The following MAPK8 variants were observed in gnomAD, a reference collection of about 807,000 sequenced individuals.
MAPK8 encodes JUN N-terminal kinase.
A neutral mutation model predicts 52.9 loss-of-function variants in MAPK8; 13 were observed. The ratio of observed to expected loss-of-function variants is 0.25; its 90% CI spans 0.16 to 0.39. MAPK8 has a LOEUF of 0.39. MAPK8 is among the 10% of genes least tolerant of loss of function. The probability of loss-of-function intolerance (pLI) is 1.00; values close to 1 mark genes in which losing one functional copy is unlikely to be tolerated. For synonymous variants in MAPK8, 191 were observed against 169.8 expected (o/e 1.12, Z -0.97); for missense variants, 300 against 519.2 (o/e 0.58, Z 4.10).
chr10:48,318,127 A>G (rs73293145), intron 1 of MAPK8, among the ~76,000 whole-genome samples: 2,319 of 152,184 alleles, frequency 0.015, 67 homozygotes, highest in African/African-American at 0.053. Flanking sequence ...GCAAGTCTGA[A>G]ATCTGTAGGG....
At chr10:48,407,247 A>G (rs1360870705) in intron 3 of MAPK8, among the ~76,000 whole-genome samples, 1 of 152,234 alleles carries the variant, frequency 6.6e-6, no homozygotes, top group Non-Finnish European at 1.5e-5. Flanking sequence ...TGCAGAAATT[A>G]CGTGTCTAAC....
intron 1 of MAPK8, among the ~76,000 whole-genome samples, chr10:48,397,713 C>T (rs148619630): frequency 0.079 from 12,022 of 152,170 alleles, 613 homozygotes; most frequent in Non-Finnish European, 0.11. Flanking sequence ...GCCTCAGCCT[C>T]CCAAGTAGCT....
intron 1 of MAPK8, among the ~76,000 whole-genome samples, chr10:48,324,956 T>TTTTTCTGTTTTTG: frequency 6.6e-6 from 1 of 151,164 alleles, no homozygotes; most frequent in South Asian, 2.1e-4. Flanking sequence ...GCAAATGGTG[T>TTTTTCTGTTTTTG]TTTTTTGTTT....
chr10:48,407,660 G>C (rs1402155619), intron 3 of MAPK8, among the ~76,000 whole-genome samples: 1 of 152,136 alleles, frequency 6.6e-6, no homozygotes, highest in African/African-American at 2.4e-5. Context: ...ATACCATTCA[G>C]TGGTTTTTAG....
At chr10:48,431,375 T>G (rs2044235783) in intron 11 of MAPK8, 105 bp downstream of exon 11, 1 of 741,202 alleles carries the variant, frequency 1.3e-6, no homozygotes, top group Non-Finnish European at 2.3e-6. Context: ...AAATCATTAT[T>G]ATTCCAGGCT....
At chr10:48,353,544 C>T (rs1846546141) in intron 1 of MAPK8, among the ~76,000 whole-genome samples, 1 of 152,132 alleles carries the variant, frequency 6.6e-6, no homozygotes, top group Non-Finnish European at 1.5e-5. Flanking sequence ...ACAAAATAAA[C>T]CTTGACCTAA....
chr10:48,402,010 C>T (rs753253461), intron 2 of MAPK8, among the ~76,000 whole-genome samples: 3 of 151,974 alleles, frequency 2.0e-5, no homozygotes, highest in Non-Finnish European at 4.4e-5. Context: ...TGCTTAGGAC[C>T]AGAAGTGTCA....
intron 1 of MAPK8, among the ~76,000 whole-genome samples, chr10:48,396,033 C>T (rs1320120339): frequency 6.6e-6 from 1 of 151,926 alleles, no homozygotes; most frequent in Admixed American, 6.6e-5. Flanking sequence ...AAGAGAAGAT[C>T]TTTTTGATCT....
intron 1 of MAPK8, among the ~76,000 whole-genome samples, chr10:48,366,676 C>G (rs1422427437): frequency 6.6e-6 from 1 of 152,064 alleles, no homozygotes; most frequent in Admixed American, 6.6e-5. Context: ...ATTCTTTATT[C>G]TCTTCTATTT....
At chr10:48,398,972 G>A (rs2042023926) in intron 1 of MAPK8, among the ~76,000 whole-genome samples, 1 of 152,122 alleles carries the variant, frequency 6.6e-6, no homozygotes, top group South Asian at 2.1e-4. Flanking sequence ...TCATCAAATT[G>A]TACAGTTGGT....
At chr10:48,340,118 A>G (rs1845104982) in intron 1 of MAPK8, among the ~76,000 whole-genome samples, 1 of 152,228 alleles carries the variant, frequency 6.6e-6, no homozygotes, top group East Asian at 1.9e-4. Context: ...TGTTGCATGC[A>G]GCACTATTCA....
intron 1 of MAPK8, among the ~76,000 whole-genome samples, chr10:48,373,942 T>C (rs1440013431): frequency 6.6e-6 from 1 of 152,076 alleles, no homozygotes; most frequent in Non-Finnish European, 1.5e-5. Context: ...CAACAGAATA[T>C]ACGTTCTCCT....
chr10:48,423,182 C>A (rs1238766589), intron 6 of MAPK8, among the ~76,000 whole-genome samples: 1 of 152,184 alleles, frequency 6.6e-6, no homozygotes, highest in Admixed American at 6.5e-5. Flanking sequence ...AGTGGAGATT[C>A]CAAATTGTCT....
chr10:48,339,249 T>A (rs1001907879), intron 1 of MAPK8, among the ~76,000 whole-genome samples: 6 of 152,036 alleles, frequency 3.9e-5, no homozygotes, highest in Admixed American at 1.3e-4. Flanking sequence ...CATACATCAA[T>A]GGAACAAAAT....
intron 2 of MAPK8, among the ~76,000 whole-genome samples, chr10:48,403,188 G>T (rs376380519): frequency 1.6e-4 from 25 of 152,200 alleles, no homozygotes; most frequent in South Asian, 1.5e-3. Flanking sequence ...AGCCGGGCGC[G>T]GTGGCTCACG....
chr10:48,348,597 C>A (rs1342760879), intron 1 of MAPK8, among the ~76,000 whole-genome samples: 1 of 152,184 alleles, frequency 6.6e-6, no homozygotes, highest in Non-Finnish European at 1.5e-5. Flanking sequence ...TTTCAGTTTT[C>A]TGCATATGAC....
chr10:48,354,354 A>G (rs1846636788), intron 1 of MAPK8, among the ~76,000 whole-genome samples: 1 of 152,198 alleles, frequency 6.6e-6, no homozygotes, highest in Non-Finnish European at 1.5e-5. Context: ...ACCTGAGGAA[A>G]TAATAAGGTC....
At chr10:48,408,040 A>G (rs1452555118) in intron 3 of MAPK8, among the ~76,000 whole-genome samples, 1 of 152,152 alleles carries the variant, frequency 6.6e-6, no homozygotes, top group Non-Finnish European at 1.5e-5. Flanking sequence ...TTCCGAATTT[A>G]TTCACTGAAC....
intron 1 of MAPK8, among the ~76,000 whole-genome samples, chr10:48,389,978 G>C (rs2041533355): frequency 6.6e-6 from 1 of 152,160 alleles, no homozygotes; most frequent in Non-Finnish European, 1.5e-5. Context: ...TCTGCAGCTT[G>C]CAAGCTGAAG....
Sources: allele counts gnomAD v4.1 joint callset (sites outside exome capture counted in the v4.1 genomes callset), GRCh38; gene constraint gnomAD v4.1.1; transcripts MANE v1.5; gene names NCBI Gene and HGNC (gene_info 2026-07-23, HGNC 2026-07-21).